Variants in NEBL observed in about 807,000 individuals in gnomAD.
NEBL encodes the protein LIM and SH3 protein 2.
A neutral mutation model predicts 140.2 loss-of-function variants in NEBL; 122 were observed. The observed-to-expected ratio is 0.87, with a 90% CI of 0.75 to 1.01. NEBL has a LOEUF of 1.01. Ranked by LOEUF, NEBL falls within the 50% of genes least tolerant of loss-of-function variation. The pLI is 0.00. For synonymous variants in NEBL, 436 were observed against 398.9 expected, an observed-to-expected ratio of 1.09 and a Z score of -1.11; for missense variants, 1,365 against 1,231.3, an observed-to-expected ratio of 1.11 and a Z score of -1.62.
intron 2 of NEBL, among the ~76,000 whole-genome samples, chr10:21,032,987 T>C (rs1833860569): frequency 1.3e-5 from 2 of 152,222 alleles, no homozygotes; most frequent in Admixed American, 1.3e-4. Flanking sequence ...TTTTGAATTA[T>C]GGTGTAAAAG....
chr10:20,921,772 T>C (rs533989754), intron 4 of NEBL, among the ~76,000 whole-genome samples: 2 of 142,438 alleles, frequency 1.4e-5, no homozygotes, highest in South Asian at 2.3e-4. Context: ...TGCACACACA[T>C]ACATGTACAT....
At chr10:21,104,017 G>C (rs922262948) in intron 2 of NEBL, among the ~76,000 whole-genome samples, 2 of 152,066 alleles carry the variant, frequency 1.3e-5, no homozygotes, top group Non-Finnish European at 2.9e-5. Flanking sequence ...CATGCTTCTG[G>C]ATATAAAATT....
chr10:21,157,019 A>G (rs1426737715), intron 2 of NEBL, among the ~76,000 whole-genome samples: 2 of 152,226 alleles, frequency 1.3e-5, no homozygotes, highest in African/African-American at 4.8e-5. Context: ...AGAACAATCT[A>G]TCAGAGAACA....
chr10:20,951,387 CA>C (rs11345723), intron 4 of NEBL, among the ~76,000 whole-genome samples: 27,365 of 117,538 alleles, frequency 0.23, 3,162 homozygotes, highest in African/African-American at 0.4. Context: ...AAAATATGAG[CA>C]AAAAAAAAAA....
At chr10:21,174,660 C>A (rs532385026), upstream of NEBL, 4 of 152,336 alleles carry the variant, frequency 2.6e-5, no homozygotes, top group Admixed American at 2.0e-4. Flanking sequence ...GCCCAAGGGC[C>A]GGGAGATCCG....
intron 26 of NEBL, among the ~76,000 whole-genome samples, chr10:20,791,734 A>G (rs987657091): frequency 2.0e-5 from 3 of 152,206 alleles, no homozygotes; most frequent in Non-Finnish European, 2.9e-5. Flanking sequence ...AAACTGGAAA[A>G]GAGGAAATAT....
intron 4 of NEBL, among the ~76,000 whole-genome samples, chr10:20,950,719 T>C (rs1835416627): frequency 6.6e-6 from 1 of 152,158 alleles, no homozygotes; most frequent in South Asian, 2.1e-4. Flanking sequence ...TTAAACATGA[T>C]CAAGAAATGC....
Position 21,061,461 on chromosome 10 carries a change from ATATG to A in NEBL, c.165-41264_165-41261del, listed in dbSNP as rs1440378339. Among the ~76,000 whole-genome samples the A allele has an allele frequency of 2.7e-5, 4 of 148,260 alleles. No homozygotes were observed. The East Asian group carries it at 7.8e-4, about 29-fold the overall frequency. On this transcript the variant is annotated intron_variant, in intron 2 of 6. Coordinates refer to the NEBL transcript ENST00000417816. Reference sequence around the variant, plus strand: ...TGATATATATCGTATATTACATGATATATGATATATCATATATTACATCATATAT... The same window carrying A: ...TGATATATATCGTATATTACATGATAATATATCATATATTACATCATATAT...
Position 20,852,530 on chromosome 10 carries a change from C to A in NEBL, c.1008+15G>T. On this transcript the variant is annotated intron_variant, in intron 10 of 27. Transcript: ENST00000377122. Reference sequence around the variant, plus strand: ...GCTGGCAGGGAGGGTAGGTACCGTACGGGCAAGTGTGTACCTGACTTTGGA... The same window carrying A: ...GCTGGCAGGGAGGGTAGGTACCGTAAGGGCAAGTGTGTACCTGACTTTGGA... 1.3e-6 allele frequency: 2 copies of A among 1,589,272 alleles called. No homozygotes were observed. Among genetic ancestry groups the A allele is most frequent in the Non-Finnish European group, 1.7e-6 (2 of 1,159,328 alleles).
At chr10:20,963,958 C>T (rs983106354) in intron 3 of NEBL, among the ~76,000 whole-genome samples, 10 of 152,300 alleles carry the variant, frequency 6.6e-5, no homozygotes, top group East Asian at 1.9e-4. Context: ...AGGGAAACTC[C>T]GAGCCATTCA....
chr10:20,909,738 T>C (rs1377124248), intron 4 of NEBL, among the ~76,000 whole-genome samples: 1 of 152,104 alleles, frequency 6.6e-6, no homozygotes, highest in Non-Finnish European at 1.5e-5. Context: ...GGATAGAGTA[T>C]TAGGAGAAAT....
chr10:20,810,091 G>C (rs1005396228), intron 24 of NEBL, among the ~76,000 whole-genome samples, 193 bp from the exon 25 acceptor site: 18 of 152,106 alleles, frequency 1.2e-4, no homozygotes, highest in Non-Finnish European at 1.0e-4. Context: ...GCTTTCACAA[G>C]TATCTGTTAA....
At chr10:20,814,207 ACAAT>A (rs1347494725) in intron 22 of NEBL, among the ~76,000 whole-genome samples, 164 bp from the exon 23 acceptor site, 1 of 152,180 alleles carries the variant, frequency 6.6e-6, no homozygotes, top group Admixed American at 6.5e-5. Flanking sequence ...CTAAAATTTT[ACAAT>A]CAAAGATCTC....
upstream of NEBL, chr10:20,897,568 G>C (rs1463153200): frequency 9.6e-7 from 1 of 1,045,374 alleles, no homozygotes; most frequent in Non-Finnish European, 1.2e-6. Context: ...AGGACTTAGA[G>C]ATTCTGGGAA....
At chr10:20,943,915 G>A (rs1835027186) in intron 4 of NEBL, among the ~76,000 whole-genome samples, 1 of 152,160 alleles carries the variant, frequency 6.6e-6, no homozygotes, top group South Asian at 2.1e-4. Flanking sequence ...CATCTCTTGG[G>A]TCGTCTGTAT....
At chr10:20,955,294 C>T (rs1312947526) in intron 4 of NEBL, among the ~76,000 whole-genome samples, 3 of 152,126 alleles carry the variant, frequency 2.0e-5, no homozygotes, top group African/African-American at 7.2e-5. Context: ...CTAATTAAAA[C>T]CAAAGTGGAG....
Position 21,187,117 on chromosome 10 carries a change from A to G in NEBL, n.349-14640T>C, listed in dbSNP as rs1323681275. 3.3e-5 allele frequency among the ~76,000 whole-genome samples: 5 copies of G among 152,068 alleles called. No individual in the cohort carries two copies. In the East Asian group the frequency reaches 9.7e-4, roughly 29 times the overall value. On this transcript the variant is annotated intron_variant and non_coding_transcript_variant, in intron 3 of 8. Coordinates refer to the NEBL transcript ENST00000675702. ...TTTACATAGATGCAAGTACGTACCT[A>G]TGTATATATACATACATACATACAC...
At chr10:20,920,504 G>A (rs1833531070) in intron 4 of NEBL, among the ~76,000 whole-genome samples, 1 of 152,160 alleles carries the variant, frequency 6.6e-6, no homozygotes, top group Non-Finnish European at 1.5e-5. Context: ...CCAGGATACA[G>A]CAATAGAGGA....
chr10:20,992,901 C>G (rs1342592829), intron 3 of NEBL, among the ~76,000 whole-genome samples: 1 of 151,176 alleles, frequency 6.6e-6, no homozygotes, highest in African/African-American at 2.4e-5. Flanking sequence ...CCTCAGCCTC[C>G]CCAGTAGCTG....
Sources: allele counts gnomAD v4.1 joint callset (sites outside exome capture counted in the v4.1 genomes callset), GRCh38; gene constraint gnomAD v4.1.1; transcripts MANE v1.5; gene names NCBI Gene and HGNC (gene_info 2026-07-23, HGNC 2026-07-21).